Variants in ARHGAP12 observed in about 807,000 individuals in gnomAD.
The protein encoded by ARHGAP12 is Rho GTPase activating protein 12.
In ARHGAP12, 64 loss-of-function variants were observed where a neutral mutation model predicts 108.6. That is an observed-to-expected ratio of 0.59 (90% CI 0.48 to 0.73). The LOEUF (loss-of-function observed/expected upper bound fraction) is 0.73, where lower values mean the gene tolerates loss of function less well. ARHGAP12 is among the 30% of genes least tolerant of loss of function. The probability of loss-of-function intolerance (pLI) is 0.00; values close to 1 mark genes in which losing one functional copy is unlikely to be tolerated. For missense variants in ARHGAP12, 940 were observed against 1,005.9 expected (o/e 0.93, Z 0.89); for synonymous variants, 312 against 337.2 (o/e 0.93, Z 0.82).
At chr10:31,870,679 A>C (rs1837507987) in intron 3 of ARHGAP12, among the ~76,000 whole-genome samples, 1 of 152,236 alleles carries the variant, frequency 6.6e-6, no homozygotes, top group African/African-American at 2.4e-5. Flanking sequence ...AATTTTGTTT[A>C]GTTTCACAAC....
At chr10:31,903,709 G>C (rs539578099) in intron 3 of ARHGAP12, among the ~76,000 whole-genome samples, 2 of 151,786 alleles carry the variant, frequency 1.3e-5, no homozygotes, top group Non-Finnish European at 2.9e-5. Flanking sequence ...CATGTATTTG[G>C]CAAATGGCTA....
intron 3 of ARHGAP12, among the ~76,000 whole-genome samples, chr10:31,894,107 A>C (rs912683687): frequency 8.5e-5 from 13 of 152,232 alleles, no homozygotes; most frequent in Non-Finnish European, 1.9e-4. Flanking sequence ...TCAAAATAAT[A>C]AGAGCTATCT....
chr10:31,832,477 T>C (rs1395103436), intron 9 of ARHGAP12, among the ~76,000 whole-genome samples: 1 of 152,228 alleles, frequency 6.6e-6, no homozygotes, highest in Non-Finnish European at 1.5e-5. Flanking sequence ...GCACTAAAGT[T>C]AATGTTATCT....
intron 3 of ARHGAP12, among the ~76,000 whole-genome samples, chr10:31,906,697 T>A (rs1463272218): frequency 1.3e-5 from 2 of 152,166 alleles, no homozygotes; most frequent in Non-Finnish European, 2.9e-5. Context: ...CCAAACAGTG[T>A]TAAGGCCCCA....
intron 3 of ARHGAP12, among the ~76,000 whole-genome samples, chr10:31,879,436 T>C (rs1252317543): frequency 1.3e-5 from 2 of 152,306 alleles, no homozygotes; most frequent in Non-Finnish European, 1.5e-5. Flanking sequence ...TGTTTAACTA[T>C]GGATATGATT....
At chr10:31,837,195 G>T (rs1258399194) in intron 9 of ARHGAP12, among the ~76,000 whole-genome samples, 2 of 152,164 alleles carry the variant, frequency 1.3e-5, no homozygotes, top group Non-Finnish European at 2.9e-5. Flanking sequence ...TGGGAACTGT[G>T]CATTACCTAC....
At chr10:31,835,147 G>A (rs376439759) in intron 9 of ARHGAP12, among the ~76,000 whole-genome samples, 8 of 150,394 alleles carry the variant, frequency 5.3e-5, no homozygotes, top group Admixed American at 4.6e-4. Context: ...GCAGTGAGCC[G>A]AGATCGCGCC....
chr10:31,908,105 A>G, intron 3 of ARHGAP12, 67 bp downstream of exon 3: 4 of 1,418,366 alleles, frequency 2.8e-6, no homozygotes, highest in Non-Finnish European at 3.8e-6. Context: ...AAATATTTCA[A>G]TTAAAACTAT....
intron 3 of ARHGAP12, among the ~76,000 whole-genome samples, chr10:31,897,894 G>A (rs1838766628): frequency 6.6e-6 from 1 of 152,184 alleles, no homozygotes; most frequent in Non-Finnish European, 1.5e-5. Context: ...GGGAGGTCAA[G>A]GCAGGCAGAT....
chr10:31,839,611 A>G lies in ARHGAP12; in HGVS notation c.1371+26T>C, dbSNP rs777784849. The G allele has an allele frequency of 2.6e-6, 4 of 1,559,988 alleles. No individual in the cohort carries two copies. In the African/African-American group the frequency reaches 4.1e-5, roughly 16 times the overall value. On this transcript the variant is annotated intron_variant, in intron 8 of 19. Transcript: ENST00000344936. ...TTGATTGAAATAACTGGACTACATT[A>G]TAAGATATGCTTCTATCATACTAAC...
intron 3 of ARHGAP12, among the ~76,000 whole-genome samples, chr10:31,891,730 G>C (rs528710431): frequency 6.6e-6 from 1 of 152,272 alleles, no homozygotes; most frequent in Admixed American, 6.5e-5. Flanking sequence ...ATCAGATGTA[G>C]ATTTGGTCTT....
chr10:31,855,477 T>C (rs941470326), intron 4 of ARHGAP12, among the ~76,000 whole-genome samples: 4 of 152,190 alleles, frequency 2.6e-5, no homozygotes, highest in Non-Finnish European at 4.4e-5. Flanking sequence ...TTCTCAAGAT[T>C]GTAGTTAAAG....
At chr10:31,831,856 C>G in intron 9 of ARHGAP12, 56 bp from the exon 10 acceptor site, 2 of 1,141,382 alleles carry the variant, frequency 1.8e-6, no homozygotes, top group Non-Finnish European at 1.3e-6. Flanking sequence ...GGTCCAAGTT[C>G]TTACACATGA....
intron 1 of ARHGAP12, among the ~76,000 whole-genome samples, chr10:31,924,018 T>C (rs997504181): frequency 1.3e-5 from 2 of 152,222 alleles, no homozygotes; most frequent in African/African-American, 4.8e-5. Context: ...CAGGTATCAC[T>C]ACTCACCTAC....
intron 3 of ARHGAP12, among the ~76,000 whole-genome samples, chr10:31,876,697 TAACCCCATC>T (rs1837746446): frequency 6.6e-6 from 1 of 152,206 alleles, no homozygotes; most frequent in Non-Finnish European, 1.5e-5. Context: ...TAAGTTCATA[TAACCCCATC>T]CCCAGGAAGA....
At chr10:31,892,178 G>A (rs1327503569) in intron 3 of ARHGAP12, among the ~76,000 whole-genome samples, 1 of 152,070 alleles carries the variant, frequency 6.6e-6, no homozygotes, top group Non-Finnish European at 1.5e-5. Context: ...AAAGACCATC[G>A]AGGCTAGGAA....
intron 3 of ARHGAP12, among the ~76,000 whole-genome samples, chr10:31,893,161 A>AT (rs1310471317): frequency 6.6e-6 from 1 of 152,230 alleles, no homozygotes; most frequent in African/African-American, 2.4e-5. Context: ...AAGATCTAAA[A>AT]TTGACACCCT....
chr10:31,819,984 A>C (rs1835347114), intron 12 of ARHGAP12, among the ~76,000 whole-genome samples: 1 of 151,872 alleles, frequency 6.6e-6, no homozygotes, highest in Non-Finnish European at 1.5e-5. Context: ...TATTTTTTAG[A>C]CCAGTTTTTG....
intron 9 of ARHGAP12, among the ~76,000 whole-genome samples, chr10:31,832,661 A>ACTCT (rs151070447): frequency 4.0e-5 from 6 of 149,702 alleles, no homozygotes; most frequent in Admixed American, 1.3e-4. Context: ...ATACACACGC[A>ACTCT]CTCTCTCTCT....
Sources: gnomAD v4.1 joint callset for allele counts (sites outside exome capture counted in the v4.1 genomes callset) on GRCh38, gnomAD v4.1.1 for gene constraint, MANE v1.5 for transcripts, NCBI Gene and HGNC (gene_info 2026-07-23, HGNC 2026-07-21) for gene names.